C1orf105: variants seen among roughly 807,000 people sequenced by gnomAD.
C1orf105 encodes chromosome 1 open reading frame 105.
C1orf105 carries 17 observed loss-of-function variants against 20.8 expected under a neutral mutation model. That is an observed-to-expected ratio of 0.82 (90% CI 0.56 to 1.23). The LOEUF (loss-of-function observed/expected upper bound fraction) is 1.23. C1orf105 is among the 50% of genes most tolerant of loss of function. C1orf105 has a pLI of 0.00. For synonymous variants in C1orf105, 72 were observed against 72.1 expected (o/e 1.00, Z 0.01); for missense variants, 219 against 213.5 (o/e 1.03, Z -0.16).
At chr1:172,427,521 C>A (rs539109242) in intron 1 of C1orf105, among the ~76,000 whole-genome samples, 1 of 152,318 alleles carries the variant, frequency 6.6e-6, no homozygotes, top group Non-Finnish European at 1.5e-5. Flanking sequence ...ATACTTGCTG[C>A]TAAATTTCTC....
chr1:172,442,473 A>C, intron 1 of C1orf105: 1 of 1,614,198 alleles, frequency 6.2e-7, no homozygotes, highest in Non-Finnish European at 8.5e-7. Context: ...CAAATACCAC[A>C]GCCCAATATT....
rs1157550471 is a variant in C1orf105, at chr1:172,468,672, C to T, written c.*78C>T. On this transcript the variant is annotated 3_prime_UTR_variant, in exon 7 of 7. Coordinates refer to ENST00000367727, the MANE Select transcript of C1orf105 (RefSeq NM_139240.4). ...AGCCAATCTTTGACACTGGCACCTT[C>T]TCCTCACAATTTTCTCTCTTCTCCC... 2.8e-6 allele frequency: 4 copies of T among 1,446,708 alleles called. No individual in the cohort carries two copies. The highest frequency in any genetic ancestry group is 3.8e-6 in the Non-Finnish European group (4 of 1,066,442). 89.6% of individuals were successfully genotyped at this position (1,446,708 alleles called of 1,614,324 possible). A position where few individuals can be genotyped will look rare whatever the true frequency, so the allele number is the denominator to read the frequency against.
chr1:172,444,408 T>G, intron 1 of C1orf105: 4 of 571,902 alleles, frequency 7.0e-6, no homozygotes, highest in Non-Finnish European at 8.8e-6. Flanking sequence ...CATGCGTTCA[T>G]TCCACAGATA....
intron 1 of C1orf105, among the ~76,000 whole-genome samples, chr1:172,438,157 T>C (rs2072103446): frequency 6.6e-6 from 1 of 152,216 alleles, no homozygotes; most frequent in Non-Finnish European, 1.5e-5. Flanking sequence ...AAAATATTAC[T>C]GTTCATTTAA....
chr1:172,443,862 C>T (rs551896720), intron 1 of C1orf105: 1 of 632,350 alleles, frequency 1.6e-6, no homozygotes, highest in Non-Finnish European at 2.0e-6. Context: ...TCTTCTGGCA[C>T]CCCATTTGGC....
At chr1:172,434,841 T>C (rs1274838017) in intron 1 of C1orf105, among the ~76,000 whole-genome samples, 3 of 149,170 alleles carry the variant, frequency 2.0e-5, no homozygotes, top group African/African-American at 4.9e-5. Context: ...ACAAAATTGA[T>C]AGACCGCTAG....
intron 4 of C1orf105, among the ~76,000 whole-genome samples, chr1:172,461,566 G>T (rs565937631): frequency 2.0e-5 from 3 of 152,146 alleles, no homozygotes; most frequent in Non-Finnish European, 4.4e-5. Flanking sequence ...TTTCTTAACC[G>T]AAAATACTGT....
intron 1 of C1orf105, chr1:172,428,878 C>T (rs138765792): frequency 1.5e-6 from 1 of 680,600 alleles, no homozygotes; most frequent in Admixed American, 2.2e-5. Context: ...TGAAGCCACA[C>T]ACTATAAAAA....
chr1:172,459,464 G>A (rs1218449170), intron 4 of C1orf105, among the ~76,000 whole-genome samples: 1 of 152,076 alleles, frequency 6.6e-6, no homozygotes, highest in Non-Finnish European at 1.5e-5. Context: ...TTGTTGTAAA[G>A]CAAATGCAAA....
At chr1:172,444,230 G>A (rs1424459548) in intron 1 of C1orf105, 1 of 985,748 alleles carries the variant, frequency 1.0e-6, no homozygotes, top group African/African-American at 1.7e-5. Context: ...AGCCTAGGAA[G>A]GCAAATCCCC....
At chr1:172,435,545 G>A (rs535242954) in intron 1 of C1orf105, among the ~76,000 whole-genome samples, 11 of 152,168 alleles carry the variant, frequency 7.2e-5, no homozygotes, top group East Asian at 3.9e-4. Context: ...AAATTCAACA[G>A]CCCTTCATGC....
intron 1 of C1orf105, among the ~76,000 whole-genome samples, chr1:172,435,812 G>C (rs1166441510): frequency 6.6e-6 from 1 of 152,194 alleles, no homozygotes; most frequent in Non-Finnish European, 1.5e-5. Flanking sequence ...AATTGTCCCT[G>C]TTTCCAGATG....
At chr1:172,443,485 C>CTTAGG (rs1190349422) in intron 1 of C1orf105, 2 of 167,098 alleles carry the variant, frequency 1.2e-5, no homozygotes, top group Non-Finnish European at 1.5e-5. Flanking sequence ...ATTAGCTGAG[C>CTTAGG]TTAGCATCCT....
Position 172,456,458 on chromosome 1 carries a change from A to G in C1orf105, c.242A>G (p.Gln81Arg), listed in dbSNP as rs1309014232. ...QCDSMLLRNQ[Q>R]LCSTCQEMKM... Reference sequence around the variant, plus strand: ...GACTCCATGCTGCTCAGAAACCAACAGCTGTGCTCCACATGTCAAGAAATG... The same window carrying G: ...GACTCCATGCTGCTCAGAAACCAACGGCTGTGCTCCACATGTCAAGAAATG... The change falls in exon 4 of 7, where the codon CAG (glutamine) becomes CGG (arginine). Residue 81 changes from glutamine (Q) to arginine (R), a missense_variant. By Grantham distance (43) the Gln-to-Arg change is conservative. Coordinates refer to ENST00000367727, the MANE Select transcript of C1orf105 (RefSeq NM_139240.4). The G allele has an allele frequency of 7.4e-6, 12 of 1,613,498 alleles. No homozygotes were observed. The highest frequency in any genetic ancestry group is 1.0e-5 in the Non-Finnish European group (12 of 1,180,022).
At chr1:172,452,520 GA>G (rs1248165456) in intron 3 of C1orf105, among the ~76,000 whole-genome samples, 1 of 152,202 alleles carries the variant, frequency 6.6e-6, no homozygotes, top group African/African-American at 2.4e-5. Context: ...GAGAGAGAAA[GA>G]AAGGGAGCGA....
rs549965753 is a variant in C1orf105, at chr1:172,445,163, C to T, written c.107+5C>T. ...AGTGCTCAGCCTTCCCAGAAGGTAA[C>T]CTCTCAGCCACCGAGGGCAAAAGTT... On this transcript the variant is annotated splice_donor_5th_base_variant and intron_variant, in intron 2 of 6. Coordinates refer to ENST00000367727, the MANE Select transcript of C1orf105 (RefSeq NM_139240.4). The T allele has an allele frequency of 9.3e-6, 15 of 1,607,420 alleles. No homozygotes were observed. In the East Asian group the frequency reaches 3.4e-4, roughly 36 times the overall value.
chr1:172,444,016 G>A, intron 1 of C1orf105: 1 of 1,000,214 alleles, frequency 1.0e-6, no homozygotes, highest in Non-Finnish European at 1.2e-6. Context: ...GCGCAGCTGG[G>A]GGACGGCGGC....
intron 1 of C1orf105, chr1:172,443,834 C>T: frequency 2.4e-6 from 1 of 409,384 alleles, no homozygotes; most frequent in Non-Finnish European, 3.4e-6. Flanking sequence ...GTAGGGTGAC[C>T]CCAGGGTGCG....
chr1:172,453,238 GT>G, intron 3 of C1orf105: 1 of 1,532,608 alleles, frequency 6.5e-7, no homozygotes, highest in Admixed American at 2.0e-5. Context: ...TAAATGTAAA[GT>G]GTAAAGGGAC....
Sources: gnomAD v4.1 joint callset for allele counts (sites outside exome capture counted in the v4.1 genomes callset) on GRCh38, gnomAD v4.1.1 for gene constraint, MANE v1.5 for transcripts, NCBI Gene and HGNC (gene_info 2026-07-23, HGNC 2026-07-21) for gene names.